Variants in SLC5A12 observed in about 807,000 individuals in gnomAD.
The protein encoded by SLC5A12 is sodium-coupled monocarboxylate transporter 2.
In SLC5A12, 46 loss-of-function variants were observed where a neutral mutation model predicts 72.7. The observed-to-expected ratio is 0.63, with a 90% CI of 0.50 to 0.81. SLC5A12 has a LOEUF of 0.81. Ranked by LOEUF, SLC5A12 falls within the 30% of genes least tolerant of loss-of-function variation. The pLI is 0.00. For synonymous variants in SLC5A12, 275 were observed against 264.4 expected, an observed-to-expected ratio of 1.04 and a Z score of -0.39; for missense variants, 683 against 740.7, an observed-to-expected ratio of 0.92 and a Z score of 0.90.
intron 1 of SLC5A12, among the ~76,000 whole-genome samples, chr11:26,718,696 C>T (rs936039298): frequency 3.3e-5 from 5 of 151,662 alleles, no homozygotes; most frequent in African/African-American, 1.2e-4. Flanking sequence ...TCCATGTTGG[C>T]CAGGCTGGTC....
At chr11:26,711,789 G>T (rs2133212379) in intron 2 of SLC5A12, among the ~76,000 whole-genome samples, 1 of 151,880 alleles carries the variant, frequency 6.6e-6, no homozygotes, top group East Asian at 1.9e-4. Flanking sequence ...AGGTGAGATA[G>T]AAAGAATCTG....
intron 1 of SLC5A12, among the ~76,000 whole-genome samples, chr11:26,715,713 GGT>G (rs1855335817): frequency 6.6e-6 from 1 of 152,092 alleles, no homozygotes; most frequent in Non-Finnish European, 1.5e-5. Flanking sequence ...TCTGTAATGA[GGT>G]GTGTTCTCTT....
At chr11:26,674,675 T>C (rs1269919296) in intron 13 of SLC5A12, among the ~76,000 whole-genome samples, 1 of 152,168 alleles carries the variant, frequency 6.6e-6, no homozygotes, top group Non-Finnish European at 1.5e-5. Flanking sequence ...AGTGCTGTGA[T>C]TATAGATGTT....
intron 8 of SLC5A12, among the ~76,000 whole-genome samples, chr11:26,696,493 C>A (rs1183911810): frequency 1.3e-5 from 2 of 152,126 alleles, no homozygotes; most frequent in Non-Finnish European, 2.9e-5. Context: ...TAGGTGATTT[C>A]ATCATTGTGC....
intron 1 of SLC5A12, among the ~76,000 whole-genome samples, chr11:26,719,715 C>T (rs7112383): frequency 0.042 from 6,363 of 152,198 alleles, 343 homozygotes; most frequent in African/African-American, 0.12. Flanking sequence ...TCCATTTAGA[C>T]GTCTTATTTT....
At chr11:26,686,573 T>A (rs754335668) in intron 9 of SLC5A12, 29 bp from the exon 10 acceptor site, 23 of 1,605,022 alleles carry the variant, frequency 1.4e-5, no homozygotes, top group Non-Finnish European at 2.0e-5. Context: ...ACAATCATAA[T>A]TTCCTGAGGG....
At chr11:26,686,337 T>C in intron 10 of SLC5A12, 140 bp downstream of exon 10, 4 of 651,796 alleles carry the variant, frequency 6.1e-6, no homozygotes, top group Non-Finnish European at 7.9e-6. Flanking sequence ...TGATTTTACA[T>C]GCATTTTACA....
chr11:26,711,340 C>G lies in SLC5A12; in HGVS notation c.424G>C (p.Val142Leu). Residue 142 changes from valine (V) to leucine (L), a missense_variant, in exon 3 of 15, where the codon GTG becomes CTG. Transcript: ENST00000396005. ...IVQTILYTGV[V>L]VYAPALALNQ... ...AGTGCCAGGGCAGGAGCATACACCA[C>G]CACTCCTGTGTAGAGAATCTGGTAG... 6.2e-7 allele frequency: 1 copy of G among 1,611,768 alleles called. No homozygotes were observed.
chr11:26,679,871 G>GA (rs752087871), intron 12 of SLC5A12, among the ~76,000 whole-genome samples: 1 of 151,950 alleles, frequency 6.6e-6, no homozygotes, highest in Non-Finnish European at 1.5e-5. Flanking sequence ...AGGTGCTTCA[G>GA]AAAAAATAAA....
chr11:26,681,073 G>A lies in SLC5A12; in HGVS notation c.1457C>T (p.Pro486Leu). 6.2e-7 allele frequency: 1 copy of A among 1,607,596 alleles called. No homozygotes were observed. The stretch of plus-strand genomic sequence containing the variant: ...AGCATACCTGCTGGATAGTACTGGA[G>A]GCCCTGTTGCTGTCACATTTGATTT... ...CIKSNVTATG[P>L]PVLSSRPGIA... is the part of the protein sequence containing the mutation. Residue 486 changes from proline (P) to leucine (L), a missense_variant, in exon 12 of 15, where the codon CCT becomes CTT. By Grantham distance (98) the Pro-to-Leu change is moderately conservative (BLOSUM62 -3). Transcript: ENST00000396005.
chr11:26,708,421 A>C (rs369359550), intron 4 of SLC5A12, among the ~76,000 whole-genome samples: 1 of 152,094 alleles, frequency 6.6e-6, no homozygotes, highest in African/African-American at 2.4e-5. Flanking sequence ...GCAAAGAAAT[A>C]ATGGGATTTG....
Position 26,669,187 on chromosome 11 carries a change from T to TTTCTTTTTC in SLC5A12, c.*1914_*1915insGAAAAAGAA, listed in dbSNP as rs1854073553. The stretch of plus-strand genomic sequence containing the variant: ...TGTCTTTTTCTTTCTTTCTTTCTTC[T>TTTCTTTTTC]TTTCTTTCTTTCTTTCTTTCTTTCT... On this transcript the variant is annotated 3_prime_UTR_variant, in exon 15 of 15. Transcript: ENST00000396005. The TTTCTTTTTC allele has an allele frequency of 5.9e-4, 66 of 110,982 alleles. No homozygotes were observed. The highest frequency in any genetic ancestry group is 1.5e-3 in the African/African-American group (48 of 31,168). The allele number at this position is 110,982 out of a possible 1,614,324, so 6.9% of individuals were successfully genotyped here.
intron 14 of SLC5A12, among the ~76,000 whole-genome samples, chr11:26,673,000 C>T (rs1854178883): frequency 6.6e-6 from 1 of 151,992 alleles, no homozygotes; most frequent in Admixed American, 6.6e-5. Flanking sequence ...AATAATTTAC[C>T]CAAAGAATGT....
intron 1 of SLC5A12, among the ~76,000 whole-genome samples, chr11:26,715,926 A>G (rs1855339534): frequency 6.6e-6 from 1 of 152,222 alleles, no homozygotes; most frequent in African/African-American, 2.4e-5. Flanking sequence ...TGAGCCAGGC[A>G]AAATTGTTAA....
At chr11:26,692,205 G>T (rs745658949) in intron 9 of SLC5A12, 2 of 247,654 alleles carry the variant, frequency 8.1e-6, no homozygotes, top group East Asian at 1.6e-4. Context: ...ATCCTGGGCC[G>T]TATGCGGCCC....
chr11:26,674,181 A>G (rs1295139547), intron 13 of SLC5A12, among the ~76,000 whole-genome samples: 1 of 152,126 alleles, frequency 6.6e-6, no homozygotes, highest in African/African-American at 2.4e-5. Flanking sequence ...CCCAGAACTT[A>G]TGCAAATTTT....
At chr11:26,709,401 T>C (rs538763555) in intron 3 of SLC5A12, 22 bp from the exon 4 acceptor site, 3 of 1,576,960 alleles carry the variant, frequency 1.9e-6, no homozygotes, top group East Asian at 2.3e-5. Context: ...GAAAAAAATA[T>C]TAAAAGAAGT....
At chr11:26,675,503 A>G (rs532647949) in intron 13 of SLC5A12, among the ~76,000 whole-genome samples, 22 of 152,302 alleles carry the variant, frequency 1.4e-4, no homozygotes, top group Middle Eastern at 3.4e-3. Flanking sequence ...GTTGAAACCA[A>G]GTTCGTCAAG....
rs777227029 is a variant in SLC5A12, at chr11:26,709,372, C to A, written c.465G>T (p.Gly155=). The change falls in exon 4 of 15, where the codon GGG becomes GGT. Residue 155 remains glycine (G), a synonymous_variant. Coordinates refer to ENST00000396005, the MANE Select transcript of SLC5A12 (RefSeq NM_178498.4). ...APALALNQVT[G]FDLWGSVFAT... Reference sequence around the variant, plus strand: ...CAAACACAGAGCCCCAGAGATCAAACCCAGTCACTAGGAAAGAAGAAAAAA... The same window carrying A: ...CAAACACAGAGCCCCAGAGATCAAAACCAGTCACTAGGAAAGAAGAAAAAA... 2 of 1,609,706 alleles carry A rather than the reference C, an allele frequency of 1.2e-6. No individual in the cohort carries two copies. Among genetic ancestry groups the A allele is most frequent in the Non-Finnish European group, 1.7e-6 (2 of 1,177,736 alleles).
Sources: allele counts gnomAD v4.1 joint callset (sites outside exome capture counted in the v4.1 genomes callset), GRCh38; gene constraint gnomAD v4.1.1; transcripts MANE v1.5; gene names NCBI Gene and HGNC (gene_info 2026-07-23, HGNC 2026-07-21).